NAV3: variants seen among roughly 807,000 people sequenced by gnomAD.
The protein encoded by NAV3 is neuron navigator 3.
NAV3 carries 87 observed loss-of-function variants against 244.7 expected under a neutral mutation model. That is an observed-to-expected ratio of 0.36 (90% CI 0.30 to 0.42). The LOEUF (loss-of-function observed/expected upper bound fraction) is 0.42, where lower values mean the gene tolerates loss of function less well. NAV3 is among the 20% of genes least tolerant of loss of function. The pLI is 1.00. For synonymous variants in NAV3, 1,126 were observed against 1,042.2 expected, an observed-to-expected ratio of 1.08 and a Z score of -1.55; for missense variants, 2,663 against 2,893.3, an observed-to-expected ratio of 0.92 and a Z score of 1.83.
chr12:77,756,959 G>C (rs1214894436), intron 2 of NAV3, among the ~76,000 whole-genome samples: 1 of 152,116 alleles, frequency 6.6e-6, no homozygotes, highest in Non-Finnish European at 1.5e-5. Flanking sequence ...CCCATAAGAA[G>C]AAAACCTTCC....
chr12:78,015,171 G>A (rs1875970973), intron 8 of NAV3, among the ~76,000 whole-genome samples: 1 of 120,890 alleles, frequency 8.3e-6, no homozygotes, highest in South Asian at 2.4e-4. Flanking sequence ...CATATTTTAT[G>A]TTATGTTTTT....
At chr12:78,191,723 T>C (rs1246449314) in intron 34 of NAV3, among the ~76,000 whole-genome samples, 1 of 152,140 alleles carries the variant, frequency 6.6e-6, no homozygotes, top group Admixed American at 6.6e-5. Flanking sequence ...GTTTAATGCT[T>C]CCTGTGAATT....
At chr12:77,720,268 G>A (rs765590961) in intron 2 of NAV3, among the ~76,000 whole-genome samples, 3 of 148,570 alleles carry the variant, frequency 2.0e-5, no homozygotes, top group Non-Finnish European at 3.0e-5. Flanking sequence ...TTTCTATTAC[G>A]ATCTACACAT....
chr12:77,789,259 C>A (rs533311077), intron 2 of NAV3, among the ~76,000 whole-genome samples: 1 of 152,176 alleles, frequency 6.6e-6, no homozygotes, highest in South Asian at 2.1e-4. Context: ...TCTTACCAAC[C>A]TTTTAACAGC....
intron 1 of NAV3, among the ~76,000 whole-genome samples, chr12:77,888,949 G>T (rs11107177): frequency 0.35 from 53,382 of 151,890 alleles, 9,667 homozygotes; most frequent in African/African-American, 0.42. Context: ...TTTTAGGACA[G>T]ATTTGGTCAA....
intron 2 of NAV3, among the ~76,000 whole-genome samples, chr12:77,589,833 A>C (rs1869824068): frequency 6.6e-6 from 1 of 152,212 alleles, no homozygotes; most frequent in South Asian, 2.1e-4. Flanking sequence ...AGTAGAGGTG[A>C]AGAGAACAGG....
chr12:77,653,137 A>G (rs780035317), intron 2 of NAV3, among the ~76,000 whole-genome samples: 5 of 152,228 alleles, frequency 3.3e-5, no homozygotes, highest in Admixed American at 1.3e-4. Context: ...GCAACATAGC[A>G]AAAGCTGATT....
intron 2 of NAV3, among the ~76,000 whole-genome samples, chr12:77,752,174 A>G (rs1868890414): frequency 6.6e-6 from 1 of 152,122 alleles, no homozygotes; most frequent in African/African-American, 2.4e-5. Flanking sequence ...TTTTCTTACC[A>G]TTGCCAAACC....
Position 77,804,687 on chromosome 12 carries a change from T to C in NAV3, c.73-135632T>C, listed in dbSNP as rs189650064. Reference sequence around the variant, plus strand: ...TTGGTTTCATATGAAATTTGAAGTGTTTTTTTTTTAATTCTGTGAATAAAG... The same window carrying C: ...TTGGTTTCATATGAAATTTGAAGTGCTTTTTTTTTAATTCTGTGAATAAAG... On this transcript the variant is annotated intron_variant, in intron 2 of 8. Coordinates refer to the NAV3 transcript ENST00000550042. Among the ~76,000 whole-genome samples, 172 of 149,084 alleles carry C rather than the reference T, an allele frequency of 1.2e-3. 1 individual carries two copies. The highest frequency in any genetic ancestry group is 4.1e-3 in the African/African-American group (165 of 40,682).
At chr12:78,049,369 T>C (rs1431058978) in intron 9 of NAV3, among the ~76,000 whole-genome samples, 2 of 152,166 alleles carry the variant, frequency 1.3e-5, no homozygotes, top group African/African-American at 4.8e-5. Context: ...CTGGTGTGCA[T>C]GTTGTGAAGA....
upstream of NAV3, among the ~76,000 whole-genome samples, chr12:77,827,411 T>C (rs1272650809): frequency 6.6e-6 from 1 of 152,148 alleles, no homozygotes; most frequent in Non-Finnish European, 1.5e-5. Flanking sequence ...TGCCATTTTA[T>C]GAGATTTTAT....
chr12:78,002,881 C>T (rs1043055592), intron 7 of NAV3, among the ~76,000 whole-genome samples: 2 of 151,672 alleles, frequency 1.3e-5, no homozygotes, highest in Non-Finnish European at 2.9e-5. Flanking sequence ...ATTTATAAGA[C>T]TAAATAGACT....
intron 5 of NAV3, among the ~76,000 whole-genome samples, chr12:77,994,584 T>G (rs1368653829): frequency 6.6e-6 from 1 of 152,176 alleles, no homozygotes; most frequent in Non-Finnish European, 1.5e-5. Flanking sequence ...ACACATTTTA[T>G]GACAAGGTGT....
chr12:78,145,630 CAG>C (rs1288049951), intron 20 of NAV3, among the ~76,000 whole-genome samples: 1 of 152,074 alleles, frequency 6.6e-6, no homozygotes. Context: ...AGAAGAAAAA[CAG>C]AGCTAGGAGT....
intron 2 of NAV3, among the ~76,000 whole-genome samples, chr12:77,597,080 A>G (rs1483212079): frequency 4.6e-5 from 7 of 152,146 alleles, no homozygotes; most frequent in Non-Finnish European, 7.4e-5. Context: ...ATCCAAGTAC[A>G]TTATTACTCA....
At chr12:77,573,864 A>G (rs1868950111) in intron 2 of NAV3, among the ~76,000 whole-genome samples, 1 of 152,040 alleles carries the variant, frequency 6.6e-6, no homozygotes, top group Non-Finnish European at 1.5e-5. Flanking sequence ...GCTAAGGGAG[A>G]TTTTCTGCAA....
chr12:77,685,506 C>CAT (rs201964134), intron 2 of NAV3, among the ~76,000 whole-genome samples: 94 of 150,718 alleles, frequency 6.2e-4, no homozygotes, highest in African/African-American at 2.0e-3. Flanking sequence ...CACACACACA[C>CAT]ATACCCACAC....
chr12:77,671,252 C>T (rs1292040769), intron 2 of NAV3, among the ~76,000 whole-genome samples: 1 of 152,028 alleles, frequency 6.6e-6, no homozygotes, highest in African/African-American at 2.4e-5. Flanking sequence ...CTATACCTAA[C>T]AAAGGAGGTG....
intron 1 of NAV3, among the ~76,000 whole-genome samples, chr12:77,878,413 G>A (rs1463612532): frequency 6.6e-6 from 1 of 151,892 alleles, no homozygotes. Flanking sequence ...ATTTTTAGTA[G>A]AGACAGGGTT....
Sources: allele counts gnomAD v4.1 joint callset (sites outside exome capture counted in the v4.1 genomes callset), GRCh38; gene constraint gnomAD v4.1.1; transcripts MANE v1.5; gene names NCBI Gene and HGNC (gene_info 2026-07-23, HGNC 2026-07-21).